PYHIN1: variants seen among roughly 807,000 people sequenced by gnomAD.
PYHIN1 encodes pyrin and HIN domain family member 1.
PYHIN1 carries 32 observed loss-of-function variants against 43.7 expected under a neutral mutation model. The observed-to-expected ratio is 0.73, with a 90% CI of 0.55 to 0.98. The LOEUF is 0.98. Among genes scored for constraint, PYHIN1 ranks in the 50% least tolerant of loss-of-function variants. PYHIN1 has a pLI of 0.00. For missense variants in PYHIN1, 588 were observed against 589.5 expected, an observed-to-expected ratio of 1.00 and a Z score of 0.03; for synonymous variants, 205 against 203.1, an observed-to-expected ratio of 1.01 and a Z score of -0.08.
At chr1:158,935,785 A>G (rs1365470920) in intron 1 of PYHIN1, among the ~76,000 whole-genome samples, 1 of 152,144 alleles carries the variant, frequency 6.6e-6, no homozygotes, top group East Asian at 1.9e-4. Flanking sequence ...TTAAGAAACA[A>G]CAGGCAGGTT....
At chr1:158,976,455 C>A (rs1257459553) in intron 8 of PYHIN1, among the ~76,000 whole-genome samples, 2 of 152,008 alleles carry the variant, frequency 1.3e-5, no homozygotes, top group Non-Finnish European at 2.9e-5. Context: ...ACATCTCCTG[C>A]CCTTTCACGT....
chr1:158,990,779 G>C, the PYHIN1 span, among the ~76,000 whole-genome samples: 1 of 152,098 alleles, frequency 6.6e-6, no homozygotes. Flanking sequence ...GTTTGGCTCT[G>C]TGTCCCCACC....
chr1:158,939,741 T>C (rs921652364), intron 4 of PYHIN1: 6 of 555,860 alleles, frequency 1.1e-5, no homozygotes, highest in South Asian at 5.3e-5. Context: ...TAAATCTTCA[T>C]GGTGTTCTGT....
intron 8 of PYHIN1, among the ~76,000 whole-genome samples, chr1:158,975,145 C>T (rs1432576491): frequency 6.6e-6 from 1 of 152,006 alleles, no homozygotes; most frequent in African/African-American, 2.4e-5. Context: ...CCACAGGATG[C>T]CTGGAAAATA....
chr1:158,955,209 C>A (rs1389430278), intron 7 of PYHIN1, among the ~76,000 whole-genome samples: 1 of 152,140 alleles, frequency 6.6e-6, no homozygotes, highest in Admixed American at 6.5e-5. Flanking sequence ...AGAAAGTCAA[C>A]AAGGATACCC....
chr1:158,965,290 T>C (rs537229628), intron 7 of PYHIN1, among the ~76,000 whole-genome samples: 12 of 152,168 alleles, frequency 7.9e-5, no homozygotes, highest in East Asian at 1.9e-4. Flanking sequence ...ACAATAATAG[T>C]GGGAGACTTC....
intron 1 of PYHIN1, among the ~76,000 whole-genome samples, chr1:158,932,788 A>G (rs972766841): frequency 6.6e-6 from 1 of 152,154 alleles, no homozygotes; most frequent in African/African-American, 2.4e-5. Context: ...ATTCATTTTA[A>G]GATTACTTCC....
At chr1:158,952,081 G>A (rs1175094190) in intron 7 of PYHIN1, among the ~76,000 whole-genome samples, 3 of 150,966 alleles carry the variant, frequency 2.0e-5, no homozygotes, top group African/African-American at 4.9e-5. Context: ...CGTTGCGCTT[G>A]CCTAGGCGCC....
At chr1:158,958,690 G>A (rs1466845476) in intron 7 of PYHIN1, among the ~76,000 whole-genome samples, 1 of 149,914 alleles carries the variant, frequency 6.7e-6, no homozygotes, top group Non-Finnish European at 1.5e-5. Context: ...GCACCAGCAT[G>A]GCACATGCAT....
At chr1:158,983,922 G>C in the PYHIN1 span, among the ~76,000 whole-genome samples, 1 of 147,342 alleles carries the variant, frequency 6.8e-6, no homozygotes, top group African/African-American at 2.5e-5. Context: ...TAGTTTTTCA[G>C]CATAGAAATT....
At chr1:158,980,389 G>T (rs12410902), downstream of PYHIN1, among the ~76,000 whole-genome samples, 11,109 of 152,144 alleles carry the variant, frequency 0.073, 474 homozygotes, top group Admixed American at 0.11. Context: ...GACTGCCTGC[G>T]GGTTTGGGCA....
chr1:158,966,808 A>AGG (rs1262176588), intron 7 of PYHIN1, among the ~76,000 whole-genome samples: 42 of 152,116 alleles, frequency 2.8e-4, no homozygotes, highest in Non-Finnish European at 4.7e-4. Flanking sequence ...GAACAAGACA[A>AGG]GGATGGCCTC....
intron 7 of PYHIN1, among the ~76,000 whole-genome samples, chr1:158,956,975 G>T (rs968272859): frequency 2.1e-5 from 3 of 139,818 alleles, no homozygotes; most frequent in Non-Finnish European, 4.6e-5. Flanking sequence ...CAAACAGAGA[G>T]CCAAATCATG....
chr1:158,975,647 C>T (rs1325695893), intron 8 of PYHIN1, among the ~76,000 whole-genome samples: 3 of 152,108 alleles, frequency 2.0e-5, no homozygotes, highest in African/African-American at 7.2e-5. Context: ...CTCTTATGAG[C>T]ACAGTAGAAA....
intron 7 of PYHIN1, among the ~76,000 whole-genome samples, chr1:158,969,206 A>G (rs1303260756): frequency 6.6e-6 from 1 of 152,018 alleles, no homozygotes; most frequent in South Asian, 2.1e-4. Context: ...TTAAAGTCAG[A>G]CATCGTTATG....
the PYHIN1 span, among the ~76,000 whole-genome samples, chr1:158,990,299 A>G: frequency 1.3e-5 from 2 of 152,156 alleles, no homozygotes; most frequent in African/African-American, 4.8e-5. Context: ...TAGGGGTAGA[A>G]TGAGCTGTGT....
chr1:158,983,002 C>T, the PYHIN1 span, among the ~76,000 whole-genome samples: 18 of 152,104 alleles, frequency 1.2e-4, no homozygotes, highest in Non-Finnish European at 2.2e-4. Context: ...TATCCTGAGA[C>T]TTTGCTGAAG....
intron 1 of PYHIN1, among the ~76,000 whole-genome samples, chr1:158,932,085 T>C (rs752651759): frequency 5.3e-5 from 8 of 152,274 alleles, no homozygotes; most frequent in East Asian, 3.9e-4. Flanking sequence ...TTGGTGGCCA[T>C]TGGGGTCTGG....
At chr1:158,988,067 C>A in the PYHIN1 span, among the ~76,000 whole-genome samples, 1 of 152,196 alleles carries the variant, frequency 6.6e-6, no homozygotes, top group Non-Finnish European at 1.5e-5. Context: ...AGGACAGATT[C>A]TTTCACAGCC....
Sources: gnomAD v4.1 joint callset for allele counts (sites outside exome capture counted in the v4.1 genomes callset) on GRCh38, gnomAD v4.1.1 for gene constraint, MANE v1.5 for transcripts, NCBI Gene and HGNC (gene_info 2026-07-23, HGNC 2026-07-21) for gene names.